The following ADAMTS3 variants were observed in gnomAD, a reference collection of about 807,000 sequenced individuals.
ADAMTS3 encodes ADAM metallopeptidase with thrombospondin type 1 motif 3.
Under a neutral mutation model 129.0 loss-of-function variants are expected in ADAMTS3, and 73 were observed. The observed-to-expected ratio is 0.57, with a 90% CI of 0.47 to 0.69. The LOEUF (loss-of-function observed/expected upper bound fraction) is 0.69. ADAMTS3 is among the 30% of genes least tolerant of loss of function. The pLI, the probability that ADAMTS3 is intolerant of heterozygous loss-of-function variation, is 0.00. For missense variants in ADAMTS3, 1,457 were observed against 1,514.5 expected (o/e 0.96, Z 0.63); for synonymous variants, 477 against 510.8 (o/e 0.93, Z 0.89).
chr4:72,299,085 G>A (rs926678088), intron 17 of ADAMTS3, among the ~76,000 whole-genome samples: 1 of 149,298 alleles, frequency 6.7e-6, no homozygotes, highest in African/African-American at 2.5e-5. Context: ...GTGTGTGTGT[G>A]TGTGTGTGTG....
intron 3 of ADAMTS3, among the ~76,000 whole-genome samples, chr4:72,494,369 C>T (rs1047109248): frequency 6.6e-6 from 1 of 152,078 alleles, no homozygotes; most frequent in Non-Finnish European, 1.5e-5. Context: ...CTCTCTATTG[C>T]TTTCTTCATT....
chr4:72,377,564 A>G (rs545395671), intron 4 of ADAMTS3, among the ~76,000 whole-genome samples: 1 of 152,280 alleles, frequency 6.6e-6, no homozygotes, highest in African/African-American at 2.4e-5. Context: ...TGACTGGTCT[A>G]TATGTGTCTC....
At chr4:72,400,225 ATG>A (rs1491537979) in intron 4 of ADAMTS3, among the ~76,000 whole-genome samples, 12 of 143,858 alleles carry the variant, frequency 8.3e-5, no homozygotes, top group East Asian at 2.1e-4. Flanking sequence ...GTGTATGTAT[ATG>A]TGTGTATATA....
chr4:72,431,203 G>A (rs1392286194), intron 3 of ADAMTS3, among the ~76,000 whole-genome samples: 1 of 151,886 alleles, frequency 6.6e-6, no homozygotes, highest in Non-Finnish European at 1.5e-5. Flanking sequence ...TGGCGAAAAT[G>A]GCTCATAAAA....
intron 3 of ADAMTS3, among the ~76,000 whole-genome samples, chr4:72,479,324 T>C (rs535693501): frequency 6.6e-6 from 1 of 152,134 alleles, no homozygotes; most frequent in African/African-American, 2.4e-5. Flanking sequence ...CAAAACAGCA[T>C]GGTACTGGTA....
chr4:72,461,408 C>T (rs886290537), intron 3 of ADAMTS3, among the ~76,000 whole-genome samples: 10 of 151,748 alleles, frequency 6.6e-5, no homozygotes, highest in South Asian at 6.2e-4. Context: ...GTGTCAAACA[C>T]CCTCCTTAAA....
intron 15 of ADAMTS3, among the ~76,000 whole-genome samples, chr4:72,306,939 A>C (rs1185310397): frequency 1.3e-5 from 2 of 151,908 alleles, no homozygotes; most frequent in East Asian, 3.9e-4. Context: ...ATAAATCATA[A>C]ATATTATGAC....
At position 72,291,048 on chromosome 4, in the gene ADAMTS3, T is replaced by C. The variant is rs1309534615; in HGVS notation, c.2738A>G (p.Glu913Gly). 57 of 1,613,832 alleles carry C rather than the reference T, an allele frequency of 3.5e-5. 1 individual carries two copies. The Admixed American group carries it at 9.5e-4, about 27-fold the overall frequency. The change falls in exon 20 of 22, where the codon GAA (glutamate) becomes GGA (glycine). Residue 913 changes from glutamate (E) to glycine (G), a missense_variant. Coordinates refer to ENST00000286657, the MANE Select transcript of ADAMTS3 (RefSeq NM_014243.3). ...ACAGGTTTTGGTGCAGTGTTCCCAT[T>C]CTTCTGCTACCCAGCTGTGGGTGCG... Reference protein sequence around the residue: ...ECTHPLWVAEEWEHCTKTCGS... With the variant: ...ECTHPLWVAEGWEHCTKTCGS...
intron 3 of ADAMTS3, among the ~76,000 whole-genome samples, chr4:72,415,468 AAAGTT>A (rs1189585430): frequency 2.0e-5 from 3 of 152,004 alleles, no homozygotes; most frequent in African/African-American, 7.2e-5. Flanking sequence ...TTCAGTATGT[AAAGTT>A]ATTTCTTTAA....
intron 3 of ADAMTS3, among the ~76,000 whole-genome samples, chr4:72,456,169 A>AGTATATATATT (rs1718597687): frequency 8.0e-4 from 1 of 1,246 alleles, no homozygotes; most frequent in African/African-American, 1.9e-3. Context: ...TTTTATATAT[A>AGTATATATATT]GTATATACTA....
chr4:72,473,991 G>A (rs1719153745), intron 3 of ADAMTS3, among the ~76,000 whole-genome samples: 1 of 152,172 alleles, frequency 6.6e-6, no homozygotes, highest in East Asian at 1.9e-4. Context: ...CTGTCTTCAG[G>A]AGTAAATAGA....
intron 16 of ADAMTS3, among the ~76,000 whole-genome samples, chr4:72,305,476 G>C (rs2109789853): frequency 6.6e-6 from 1 of 152,050 alleles, no homozygotes; most frequent in Non-Finnish European, 1.5e-5. Flanking sequence ...GATATTCCTT[G>C]ATTTAGTGGA....
At chr4:72,365,095 A>G (rs1045792785) in intron 4 of ADAMTS3, among the ~76,000 whole-genome samples, 3 of 152,232 alleles carry the variant, frequency 2.0e-5, no homozygotes, top group African/African-American at 7.2e-5. Flanking sequence ...TAATGGTTGA[A>G]GAATTTCATA....
intron 3 of ADAMTS3, among the ~76,000 whole-genome samples, chr4:72,461,141 A>G (rs1718757604): frequency 6.6e-6 from 1 of 151,662 alleles, no homozygotes; most frequent in Non-Finnish European, 1.5e-5. Context: ...TACCATATCA[A>G]CTCGATGAAC....
intron 3 of ADAMTS3, among the ~76,000 whole-genome samples, chr4:72,433,575 T>G (rs191025181): frequency 1.9e-3 from 287 of 151,480 alleles, no homozygotes; most frequent in African/African-American, 6.8e-3. Context: ...TTCTCCTAAA[T>G]TTTTTCCCCA....
intron 3 of ADAMTS3, among the ~76,000 whole-genome samples, chr4:72,457,557 G>A (rs1718657694): frequency 6.6e-6 from 1 of 151,624 alleles, no homozygotes; most frequent in Non-Finnish European, 1.5e-5. Flanking sequence ...GACAACAAAA[G>A]ATGGTTCTGT....
At chr4:72,321,335 C>T (rs1450799701) in intron 6 of ADAMTS3, among the ~76,000 whole-genome samples, 2 of 143,588 alleles carry the variant, frequency 1.4e-5, no homozygotes, top group East Asian at 4.8e-4. Context: ...CCATTCCTGG[C>T]TTTTTTTTTG....
intron 17 of ADAMTS3, among the ~76,000 whole-genome samples, chr4:72,300,768 T>C (rs1291288953): frequency 1.3e-5 from 2 of 152,152 alleles, no homozygotes; most frequent in Non-Finnish European, 2.9e-5. Flanking sequence ...CAGTGCCATA[T>C]TGTGAGGATG....
At chr4:72,426,489 T>C (rs919494051) in intron 3 of ADAMTS3, among the ~76,000 whole-genome samples, 2 of 152,164 alleles carry the variant, frequency 1.3e-5, no homozygotes, top group Non-Finnish European at 2.9e-5. Context: ...CTCACTCATC[T>C]TGGCAGAAGA....
Sources: allele counts gnomAD v4.1 joint callset (sites outside exome capture counted in the v4.1 genomes callset), GRCh38; gene constraint gnomAD v4.1.1; transcripts MANE v1.5; gene names NCBI Gene and HGNC (gene_info 2026-07-23, HGNC 2026-07-21).